Variants in NELL1 observed in about 807,000 individuals in gnomAD.
The protein encoded by NELL1 is neural EGFL like 1, also known as protein kinase C-binding protein NELL1.
Under a neutral mutation model 107.4 loss-of-function variants are expected in NELL1, and 76 were observed. The ratio of observed to expected loss-of-function variants is 0.71; its 90% confidence interval spans 0.59 to 0.86. The LOEUF (loss-of-function observed/expected upper bound fraction) is 0.86. Among genes scored for constraint, NELL1 ranks in the 40% least tolerant of loss-of-function variants. The pLI is 0.00. For synonymous variants in NELL1, 353 were observed against 341.2 expected (o/e 1.03, Z -0.38); for missense variants, 1,024 against 1,005.5 (o/e 1.02, Z -0.25).
chr11:20,934,049 TG>T (rs1394998968), intron 9 of NELL1, among the ~76,000 whole-genome samples: 8 of 152,236 alleles, frequency 5.3e-5, no homozygotes, highest in African/African-American at 1.4e-4. Context: ...GAGTCCCAAA[TG>T]CCCCAGCCAA....
At chr11:21,037,112 A>C (rs1045212712) in intron 12 of NELL1, among the ~76,000 whole-genome samples, 1 of 152,112 alleles carries the variant, frequency 6.6e-6, no homozygotes, top group Non-Finnish European at 1.5e-5. Context: ...AGAAATTTCC[A>C]CGGTGATGAA....
chr11:21,367,276 ACACACAC>A (rs1851248129), intron 14 of NELL1, among the ~76,000 whole-genome samples: 2 of 149,648 alleles, frequency 1.3e-5, no homozygotes, highest in Non-Finnish European at 3.0e-5. Flanking sequence ...ACACACACAC[ACACACAC>A]ACACACACAC....
intron 15 of NELL1, among the ~76,000 whole-genome samples, chr11:21,399,694 A>G (rs942852413): frequency 2.6e-5 from 4 of 151,792 alleles, no homozygotes; most frequent in Admixed American, 2.0e-4. Context: ...CCAAGTTTAT[A>G]TGGGTGGAAT....
chr11:21,098,149 A>C (rs1011042632), intron 12 of NELL1, among the ~76,000 whole-genome samples: 11 of 152,168 alleles, frequency 7.2e-5, no homozygotes, highest in African/African-American at 2.7e-4. Flanking sequence ...AATTCTGTGA[A>C]GTCACATTCA....
At chr11:21,449,485 AT>A (rs1306596784) in intron 15 of NELL1, among the ~76,000 whole-genome samples, 1 of 152,166 alleles carries the variant, frequency 6.6e-6, no homozygotes, top group Non-Finnish European at 1.5e-5. Context: ...ATATGAAAAT[AT>A]CTGCAGATTT....
chr11:21,101,636 T>C (rs1478478014), intron 12 of NELL1, among the ~76,000 whole-genome samples: 4 of 152,194 alleles, frequency 2.6e-5, no homozygotes, highest in Non-Finnish European at 4.4e-5. Context: ...ATAAATGTCT[T>C]CTTTTGAGAA....
chr11:21,531,170 C>G lies in NELL1; in HGVS notation c.1646-3204C>G, dbSNP rs115546304. On this transcript the variant is annotated intron_variant, in intron 15 of 19. Coordinates refer to ENST00000357134, the MANE Select transcript of NELL1 (RefSeq NM_006157.5). ...AACTATTAGTATGAAATACAAAACA[C>G]AAACACACACACACATATACGTATA... Among the ~76,000 whole-genome samples, 432 of 152,226 alleles carry G rather than the reference C, an allele frequency of 2.8e-3. 4 individuals are homozygous for G. Among genetic ancestry groups the G allele is most frequent in the African/African-American group, 1.0e-2 (415 of 41,538 alleles).
Position 21,358,907 on chromosome 11 carries a change from G to C in NELL1, c.1550-11946G>C, listed in dbSNP as rs527339698. On this transcript the variant is annotated intron_variant, in intron 14 of 19. Transcript: ENST00000357134. Reference sequence around the variant, plus strand: ...TGGATGAGTTTTTAAGGTTTTCTAGGTATACAATTGGCAAACAGCAACAAT... The same window carrying C: ...TGGATGAGTTTTTAAGGTTTTCTAGCTATACAATTGGCAAACAGCAACAAT... 2.6e-5 allele frequency among the ~76,000 whole-genome samples: 4 copies of C among 152,040 alleles called. No homozygotes were observed. In the South Asian group the frequency reaches 8.3e-4, roughly 32 times the overall value.
intron 13 of NELL1, among the ~76,000 whole-genome samples, chr11:21,127,058 C>A (rs577606586): frequency 6.6e-6 from 1 of 152,230 alleles, no homozygotes; most frequent in African/African-American, 2.4e-5. Context: ...ATCAGTTCTG[C>A]TGGCTGGCAT....
intron 12 of NELL1, among the ~76,000 whole-genome samples, chr11:21,010,118 A>G (rs1002213378): frequency 6.6e-6 from 1 of 151,964 alleles, no homozygotes; most frequent in Non-Finnish European, 1.5e-5. Context: ...TTAGTAGAGC[A>G]TTGTTTAATT....
At chr11:21,482,757 A>C (rs187306566) in intron 15 of NELL1, among the ~76,000 whole-genome samples, 11 of 151,868 alleles carry the variant, frequency 7.2e-5, no homozygotes, top group South Asian at 2.1e-4. Context: ...GCTTAAAAAA[A>C]AAAAAAAGAA....
chr11:21,254,445 G>A (rs1292062810), intron 14 of NELL1, among the ~76,000 whole-genome samples: 3 of 152,022 alleles, frequency 2.0e-5, no homozygotes, highest in African/African-American at 4.8e-5. Flanking sequence ...AGTATCATGA[G>A]AAAGGTTAAT....
At chr11:21,218,327 T>C (rs1282802905) in intron 13 of NELL1, among the ~76,000 whole-genome samples, 1 of 152,088 alleles carries the variant, frequency 6.6e-6, no homozygotes, top group Non-Finnish European at 1.5e-5. Flanking sequence ...AAGAGAAAGA[T>C]TTCTCGATCA....
At position 21,413,756 on chromosome 11, in the gene NELL1, G is replaced by T. The variant is rs897261236; in HGVS notation, c.1645+42808G>T. ...ATAGCAAAGCAATTTCTCTGATGTAGAAAAATATTTTTGAGGGTATGGCAA... is the reference window on the plus strand; with the variant it reads ...ATAGCAAAGCAATTTCTCTGATGTATAAAAATATTTTTGAGGGTATGGCAA... On this transcript the variant is annotated intron_variant, in intron 15 of 19. Coordinates refer to ENST00000357134, the MANE Select transcript of NELL1 (RefSeq NM_006157.5). Among the ~76,000 whole-genome samples, 4 of 152,108 alleles carry T rather than the reference G, an allele frequency of 2.6e-5. 1 individual carries two copies. The South Asian group carries it at 8.3e-4, about 32-fold the overall frequency.
chr11:21,070,312 G>T (rs1473048521), intron 12 of NELL1, among the ~76,000 whole-genome samples: 2 of 152,054 alleles, frequency 1.3e-5, no homozygotes, highest in East Asian at 3.9e-4. Flanking sequence ...GAGTTAAACT[G>T]CCCTTATAAA....
intron 2 of NELL1, among the ~76,000 whole-genome samples, chr11:20,704,635 G>C (rs1318969592): frequency 6.6e-6 from 1 of 152,172 alleles, no homozygotes; most frequent in Non-Finnish European, 1.5e-5. Context: ...TTTTGCAGTG[G>C]CTGGTACCAG....
intron 15 of NELL1, among the ~76,000 whole-genome samples, chr11:21,431,121 C>A (rs1250009173): frequency 6.6e-6 from 1 of 151,984 alleles, no homozygotes; most frequent in African/African-American, 2.4e-5. Flanking sequence ...GTTTGAGATA[C>A]CTGCTTTATT....
intron 14 of NELL1, among the ~76,000 whole-genome samples, chr11:21,366,219 C>T (rs1054723504): frequency 6.6e-6 from 1 of 152,004 alleles, no homozygotes; most frequent in African/African-American, 2.4e-5. Context: ...TAAAAATGAA[C>T]ACAGAAGAAG....
intron 2 of NELL1, among the ~76,000 whole-genome samples, chr11:20,721,917 G>A (rs1001592553): frequency 3.9e-5 from 6 of 152,088 alleles, no homozygotes; most frequent in Non-Finnish European, 2.9e-5. Flanking sequence ...GGGGGAGGGC[G>A]GATAGTTGGT....
Sources: allele counts gnomAD v4.1 joint callset (sites outside exome capture counted in the v4.1 genomes callset), GRCh38; gene constraint gnomAD v4.1.1; transcripts MANE v1.5; gene names NCBI Gene and HGNC (gene_info 2026-07-23, HGNC 2026-07-21).